Variants in EMCN observed in about 807,000 individuals in gnomAD.
EMCN encodes MUC-14.
Under a neutral mutation model 38.4 loss-of-function variants are expected in EMCN, and 37 were observed. The ratio of observed to expected loss-of-function variants is 0.96; its 90% CI spans 0.74 to 1.27. The LOEUF (loss-of-function observed/expected upper bound fraction) is 1.27. Ranked by LOEUF, EMCN falls within the 50% of genes most tolerant of loss-of-function variation. EMCN has a pLI of 0.00. For missense variants in EMCN, 318 were observed against 302.8 expected, an observed-to-expected ratio of 1.05 and a Z score of -0.37; for synonymous variants, 95 against 100.8, an observed-to-expected ratio of 0.94 and a Z score of 0.35.
At chr4:100,454,604 A>C (rs545714351) in intron 4 of EMCN, among the ~76,000 whole-genome samples, 1 of 152,230 alleles carries the variant, frequency 6.6e-6, no homozygotes, top group Admixed American at 6.5e-5. Context: ...TGAGATTTCT[A>C]CTCTAAGTAA....
chr4:100,492,899 A>G (rs983272333), intron 1 of EMCN, among the ~76,000 whole-genome samples: 1 of 152,178 alleles, frequency 6.6e-6, no homozygotes, highest in Non-Finnish European at 1.5e-5. Context: ...CTTATCAGCT[A>G]TGTGACCATA....
intron 4 of EMCN, among the ~76,000 whole-genome samples, chr4:100,452,333 T>A (rs1727866502): frequency 6.6e-6 from 1 of 152,110 alleles, no homozygotes; most frequent in Admixed American, 6.6e-5. Context: ...TACTGGTTGA[T>A]TATAAATGTT....
intron 1 of EMCN, among the ~76,000 whole-genome samples, chr4:100,503,745 T>C (rs1246527153): frequency 6.6e-6 from 1 of 152,116 alleles, no homozygotes; most frequent in Non-Finnish European, 1.5e-5. Flanking sequence ...TTTTGTATTC[T>C]TTTGTAGAGA....
At chr4:100,415,291 C>G (rs910850354) in intron 10 of EMCN, among the ~76,000 whole-genome samples, 4 of 152,114 alleles carry the variant, frequency 2.6e-5, no homozygotes, top group African/African-American at 9.7e-5. Flanking sequence ...AAAGAAAAAT[C>G]CATGATTTTA....
intron 10 of EMCN, among the ~76,000 whole-genome samples, chr4:100,410,821 TG>T (rs1726532600): frequency 6.6e-6 from 1 of 151,066 alleles, no homozygotes; most frequent in Admixed American, 6.6e-5. Flanking sequence ...TATGAACACT[TG>T]GGTGATATAC....
intron 4 of EMCN, among the ~76,000 whole-genome samples, chr4:100,449,373 A>T (rs1328850414): frequency 6.6e-6 from 1 of 152,100 alleles, no homozygotes; most frequent in Non-Finnish European, 1.5e-5. Flanking sequence ...TTAAGGAAAA[A>T]ACCAGGTATA....
intron 3 of EMCN, chr4:100,473,921 C>G (rs1286140525): frequency 6.5e-6 from 1 of 153,094 alleles, no homozygotes; most frequent in Non-Finnish European, 1.5e-5. Context: ...CTGGCAACAA[C>G]TAGCTCAGTG....
At chr4:100,441,113 A>G (rs184700540) in intron 5 of EMCN, among the ~76,000 whole-genome samples, 3 of 152,118 alleles carry the variant, frequency 2.0e-5, no homozygotes, top group Non-Finnish European at 4.4e-5. Context: ...GGGGTATTAA[A>G]GTCCTTCAAT....
At chr4:100,493,410 G>A (rs538981190) in intron 1 of EMCN, among the ~76,000 whole-genome samples, 14 of 152,248 alleles carry the variant, frequency 9.2e-5, no homozygotes, top group East Asian at 5.8e-4. Context: ...CTCATGTGGC[G>A]GAAGAAAGAG....
chr4:100,463,342 G>A (rs1037388377), intron 4 of EMCN, among the ~76,000 whole-genome samples: 2 of 152,014 alleles, frequency 1.3e-5, no homozygotes, highest in Non-Finnish European at 2.9e-5. Flanking sequence ...CATGACTACC[G>A]CAGACTCCCA....
Position 100,467,170 on chromosome 4 carries a change from T to A in EMCN, c.260-1631A>T, listed in dbSNP as rs193060384. 1.1e-3 allele frequency among the ~76,000 whole-genome samples: 172 copies of A among 152,288 alleles called. 2 individuals are homozygous for A. In the East Asian group the frequency reaches 0.014, roughly 13 times the overall value. On this transcript the variant is annotated intron_variant, in intron 3 of 11. Transcript: ENST00000296420. Reference sequence around the variant, plus strand: ...GAGCCTACACTCAATGTAGGACAGGTTGTCAATTATACTACATGAAGTAGG... The same window carrying A: ...GAGCCTACACTCAATGTAGGACAGGATGTCAATTATACTACATGAAGTAGG...
At position 100,410,372 on chromosome 4, in the gene EMCN, T is replaced by C. The variant is rs372578069; in HGVS notation, c.752-17A>G. 7.4e-6 allele frequency: 12 copies of C among 1,612,418 alleles called. No individual in the cohort carries two copies. The highest frequency in any genetic ancestry group is 2.2e-5 in the East Asian group (1 of 44,836). ...AGTGCTCACCTGAGAACAGAAGATA[T>C]GTTTTGATCTGTAAGCTCAGAGACT... is the stretch of plus-strand genomic sequence containing the variant. On this transcript the variant is annotated splice_polypyrimidine_tract_variant and intron_variant, in intron 10 of 11. Transcript: ENST00000296420.
At chr4:100,480,899 G>A (rs1186807980) in intron 1 of EMCN, among the ~76,000 whole-genome samples, 2 of 152,134 alleles carry the variant, frequency 1.3e-5, no homozygotes, top group East Asian at 3.9e-4. Flanking sequence ...AGTGAAGTAT[G>A]TAAGATTTAA....
At chr4:100,445,004 G>T (rs1353969982) in intron 5 of EMCN, among the ~76,000 whole-genome samples, 6 of 152,134 alleles carry the variant, frequency 3.9e-5, no homozygotes, top group Non-Finnish European at 8.8e-5. Flanking sequence ...CTGCAGAAAG[G>T]GGTCTCTTCT....
chr4:100,420,103 A>G (rs971237397), intron 8 of EMCN, among the ~76,000 whole-genome samples: 1 of 152,156 alleles, frequency 6.6e-6, no homozygotes, highest in Non-Finnish European at 1.5e-5. Context: ...TATTTACTGT[A>G]CCTTTAAAAA....
intron 11 of EMCN, 67 bp from the exon 12 acceptor site, chr4:100,398,440 A>T (rs1274853954): frequency 6.6e-6 from 1 of 152,276 alleles, no homozygotes; most frequent in Non-Finnish European, 1.5e-5. Flanking sequence ...CGAAGAAGAA[A>T]TAGAGATGCT....
At chr4:100,508,953 G>A (rs1501094) in intron 1 of EMCN, among the ~76,000 whole-genome samples, 1 of 152,002 alleles carries the variant, frequency 6.6e-6, no homozygotes, top group African/African-American at 2.4e-5. Context: ...TACTGCTTCC[G>A]CTCTACAGAG....
chr4:100,478,222 A>G (rs570882014), intron 2 of EMCN, among the ~76,000 whole-genome samples: 2 of 152,172 alleles, frequency 1.3e-5, no homozygotes, highest in African/African-American at 4.8e-5. Context: ...GCAGCTGAGG[A>G]CCTGAGAGCC....
At chr4:100,506,227 C>T (rs1348606318) in intron 1 of EMCN, among the ~76,000 whole-genome samples, 3 of 152,080 alleles carry the variant, frequency 2.0e-5, no homozygotes, top group African/African-American at 7.2e-5. Context: ...GATTTGGCAC[C>T]TAGAATGTGT....
Sources: allele counts gnomAD v4.1 joint callset (sites outside exome capture counted in the v4.1 genomes callset), GRCh38; gene constraint gnomAD v4.1.1; transcripts MANE v1.5; gene names NCBI Gene and HGNC (gene_info 2026-07-23, HGNC 2026-07-21).